Variants in BRINP3 observed in about 807,000 individuals in gnomAD.
The protein encoded by BRINP3 is BMP/retinoic acid-inducible neural-specific protein 3.
A neutral mutation model predicts 71.0 loss-of-function variants in BRINP3; 19 were observed. The ratio of observed to expected loss-of-function variants is 0.27; its 90% CI spans 0.19 to 0.39. The LOEUF is 0.39. Among genes scored for constraint, BRINP3 ranks in the 10% least tolerant of loss-of-function variants. The pLI is 1.00. For missense variants in BRINP3, 959 were observed against 940.8 expected (o/e 1.02, Z -0.25); for synonymous variants, 380 against 337.7 (o/e 1.13, Z -1.37).
intron 1 of BRINP3, among the ~76,000 whole-genome samples, chr1:190,476,637 A>C (rs780249698): frequency 6.6e-6 from 1 of 152,156 alleles, no homozygotes; most frequent in Non-Finnish European, 1.5e-5. Context: ...AGAGTGAGGC[A>C]ATTAAATTTT....
chr1:190,193,687 C>T (rs1654240964), intron 6 of BRINP3, among the ~76,000 whole-genome samples: 1 of 152,184 alleles, frequency 6.6e-6, no homozygotes, highest in Non-Finnish European at 1.5e-5. Context: ...CTCCTGACCT[C>T]CCTTTAATTA....
At chr1:190,099,785 A>G (rs1019116117) in intron 7 of BRINP3, among the ~76,000 whole-genome samples, 2 of 152,196 alleles carry the variant, frequency 1.3e-5, no homozygotes, top group African/African-American at 2.4e-5. Flanking sequence ...ATAGTTGAAA[A>G]TATCTCATTA....
chr1:190,348,942 T>C (rs1381362108), intron 2 of BRINP3, among the ~76,000 whole-genome samples: 5 of 152,132 alleles, frequency 3.3e-5, no homozygotes, highest in African/African-American at 1.2e-4. Flanking sequence ...TACCAGATTA[T>C]CTTTATTTTT....
chr1:190,148,851 C>G (rs566862690), intron 7 of BRINP3, among the ~76,000 whole-genome samples: 1 of 151,978 alleles, frequency 6.6e-6, no homozygotes, highest in African/African-American at 2.4e-5. Context: ...CTTTCTCAAA[C>G]TTTTCAATGA....
intron 2 of BRINP3, among the ~76,000 whole-genome samples, chr1:190,324,962 G>A (rs1666482659): frequency 6.6e-6 from 1 of 151,820 alleles, no homozygotes; most frequent in South Asian, 2.1e-4. Flanking sequence ...TAATAAAAAT[G>A]TTTTCATAGA....
chr1:190,248,526 T>C (rs1160236626), intron 4 of BRINP3, among the ~76,000 whole-genome samples: 1 of 151,788 alleles, frequency 6.6e-6, no homozygotes, highest in East Asian at 1.9e-4. Flanking sequence ...CTACCCAGGG[T>C]ACTTTCAGAA....
intron 2 of BRINP3, among the ~76,000 whole-genome samples, chr1:190,327,173 G>A (rs926341363): frequency 1.3e-5 from 2 of 151,108 alleles, no homozygotes; most frequent in African/African-American, 4.9e-5. Context: ...AAATTAGACA[G>A]GCGTTTTGTT....
chr1:190,399,277 A>ATACACAT (rs1227328620), intron 2 of BRINP3, among the ~76,000 whole-genome samples: 7 of 151,990 alleles, frequency 4.6e-5, no homozygotes, highest in African/African-American at 1.7e-4. Context: ...ACAAAACAAC[A>ATACACAT]GTAGTATACT....
chr1:190,333,455 A>G (rs1667091628), intron 2 of BRINP3, among the ~76,000 whole-genome samples: 1 of 152,000 alleles, frequency 6.6e-6, no homozygotes, highest in African/African-American at 2.4e-5. Context: ...AATAAAGTTA[A>G]TAGAGTAAAT....
At chr1:190,256,447 C>G (rs905216809) in intron 4 of BRINP3, among the ~76,000 whole-genome samples, 1 of 152,122 alleles carries the variant, frequency 6.6e-6, no homozygotes, top group Admixed American at 6.6e-5. Context: ...ATCCAATTTG[C>G]CACTCTGTGT....
At chr1:190,409,751 A>G (rs2102403019) in intron 2 of BRINP3, among the ~76,000 whole-genome samples, 1 of 152,330 alleles carries the variant, frequency 6.6e-6, no homozygotes, top group Non-Finnish European at 1.5e-5. Flanking sequence ...GACCATAAGA[A>G]GAACTGAAGA....
chr1:190,171,368 C>T (rs369986190), intron 6 of BRINP3, among the ~76,000 whole-genome samples: 9 of 152,188 alleles, frequency 5.9e-5, no homozygotes, highest in African/African-American at 2.2e-4. Flanking sequence ...AGTAATAATA[C>T]CTTCAAGGAA....
intron 2 of BRINP3, among the ~76,000 whole-genome samples, chr1:190,443,030 G>A (rs1674939069): frequency 1.3e-5 from 2 of 149,610 alleles, no homozygotes; most frequent in African/African-American, 4.9e-5. Context: ...CTCCTGCCTC[G>A]GCCTCCCAAG....
chr1:190,236,380 G>C (rs1464762297), intron 4 of BRINP3, among the ~76,000 whole-genome samples: 1 of 151,984 alleles, frequency 6.6e-6, no homozygotes, highest in Admixed American at 6.6e-5. Context: ...TGTCTTAGAA[G>C]TTATGTCAAT....
intron 2 of BRINP3, among the ~76,000 whole-genome samples, chr1:190,411,992 A>G (rs540775714): frequency 6.6e-6 from 1 of 152,164 alleles, no homozygotes; most frequent in African/African-American, 2.4e-5. Context: ...CTCCTTTCCT[A>G]CCACACAGCC....
intron 2 of BRINP3, among the ~76,000 whole-genome samples, chr1:190,366,420 G>T (rs1669505508): frequency 6.6e-6 from 1 of 152,058 alleles, no homozygotes; most frequent in African/African-American, 2.4e-5. Flanking sequence ...ACTTCCCACT[G>T]GGTCCCTCCC....
chr1:190,378,318 G>A (rs1670310811), intron 2 of BRINP3, among the ~76,000 whole-genome samples: 1 of 152,128 alleles, frequency 6.6e-6, no homozygotes, highest in African/African-American at 2.4e-5. Flanking sequence ...CTTTTACATT[G>A]CTCTGTTCTT....
intron 2 of BRINP3, among the ~76,000 whole-genome samples, chr1:190,429,444 C>T (rs1462840021): frequency 6.6e-6 from 1 of 152,008 alleles, no homozygotes; most frequent in Admixed American, 6.6e-5. Context: ...GAGTTGAGTT[C>T]CAAAATGAGA....
At chr1:190,117,638 C>T (rs913472746) in intron 7 of BRINP3, among the ~76,000 whole-genome samples, 2 of 151,858 alleles carry the variant, frequency 1.3e-5, no homozygotes, top group African/African-American at 4.8e-5. Flanking sequence ...CAGTGTATAT[C>T]CTCAAATTTT....
Sources: allele counts gnomAD v4.1 joint callset (sites outside exome capture counted in the v4.1 genomes callset), GRCh38; gene constraint gnomAD v4.1.1; transcripts MANE v1.5; gene names NCBI Gene and HGNC (gene_info 2026-07-23, HGNC 2026-07-21).